SUMO3: variants seen among roughly 807,000 people sequenced by gnomAD.
SUMO3 encodes small ubiquitin-related modifier 3.
SUMO3 carries 2 observed loss-of-function variants against 11.1 expected under a neutral mutation model. That is an observed-to-expected ratio of 0.18 (90% CI 0.07 to 0.57). SUMO3 has a LOEUF of 0.57. Ranked by LOEUF, SUMO3 falls within the 20% of genes least tolerant of loss-of-function variation. The pLI, the probability that SUMO3 is intolerant of heterozygous loss-of-function variation, is 0.92. For missense variants in SUMO3, 70 were observed against 132.8 expected, an observed-to-expected ratio of 0.53 and a Z score of 2.32; for synonymous variants, 56 against 53.5, an observed-to-expected ratio of 1.05 and a Z score of -0.20.
chr21:44,809,338 C>T (rs1398377617), intron 2 of SUMO3, among the ~76,000 whole-genome samples: 1 of 152,218 alleles, frequency 6.6e-6, no homozygotes, highest in Admixed American at 6.5e-5. Flanking sequence ...CACCAGTGGG[C>T]CTACAATCTC....
intron 3 of SUMO3, among the ~76,000 whole-genome samples, chr21:44,808,722 G>T (rs76003441): frequency 1.3e-5 from 2 of 152,176 alleles, no homozygotes; most frequent in East Asian, 1.9e-4. Context: ...TGGCCCCTAA[G>T]CTGCACACGG....
At chr21:44,808,522 A>G (rs1432878805) in intron 3 of SUMO3, 3 of 1,430,086 alleles carry the variant, frequency 2.1e-6, no homozygotes, top group Non-Finnish European at 2.8e-6. Context: ...CTCAAAAAAA[A>G]AAGTCTGTTT....
chr21:44,814,920 C>G (rs2083234871), intron 1 of SUMO3, among the ~76,000 whole-genome samples: 3 of 152,222 alleles, frequency 2.0e-5, no homozygotes, highest in African/African-American at 7.2e-5. Context: ...AGGCAAAAAG[C>G]TGATGTCAAG....
At position 44,811,976 on chromosome 21, in the gene SUMO3, T is replaced by C. The variant is rs1304390669; in HGVS notation, c.150+2000A>G. Reference sequence around the variant, plus strand: ...CATAAGGAAACACTGAATGCCAGAATATGGTCCCAGATACTTCCAGGGAAA... The same window carrying C: ...CATAAGGAAACACTGAATGCCAGAACATGGTCCCAGATACTTCCAGGGAAA... On this transcript the variant is annotated intron_variant, in intron 2 of 3. Transcript: ENST00000332859. The surrounding 1 kb of genome is among the most constrained non-coding windows in gnomAD (Gnocchi z 5.0). Among the ~76,000 whole-genome samples, 3 of 150,250 alleles carry C rather than the reference T, an allele frequency of 2.0e-5. No homozygotes were observed. Among genetic ancestry groups the C allele is most frequent in the Non-Finnish European group, 3.0e-5 (2 of 67,774 alleles).
At chr21:44,815,112 C>T (rs569958983) in intron 1 of SUMO3, among the ~76,000 whole-genome samples, 13 of 152,330 alleles carry the variant, frequency 8.5e-5, no homozygotes, top group African/African-American at 2.9e-4. Context: ...TGAGCTGCTG[C>T]CCTCAGGAAG....
rs1291600135 is a variant in SUMO3, at chr21:44,811,123, TATACACACAGGCACACACCCACAC to T, written c.151-2029_151-2006del. 2.3e-4 allele frequency among the ~76,000 whole-genome samples: 23 copies of T among 102,218 alleles called. No individual in the cohort carries two copies. Among genetic ancestry groups the T allele is most frequent in the Non-Finnish European group, 3.7e-4 (18 of 49,272 alleles). The allele number at this position is 102,218 out of a possible 152,430, so 67.1% of individuals were successfully genotyped here. A position where few individuals can be genotyped will look rare whatever the true frequency, so the allele number is the denominator to read the frequency against. ...ATACACACACATGCACACACCCACA[TATACACACAGGCACACACCCACAC>T]ATACACACACAGGCACACACCCACA... On this transcript the variant is annotated intron_variant, in intron 2 of 3. Coordinates refer to ENST00000332859, the MANE Select transcript of SUMO3 (RefSeq NM_006936.3). This position sits in a 1 kb window ranked among gnomAD's most constrained non-coding sequence, Gnocchi z 5.0.
In SUMO3 at chr21:44,818,017, CG is replaced by C. The variant is rs2083260098; in HGVS notation, c.-50del. ...GCGGCGCGGGGGAAGCAGCGCGGAG[CG>C]GGCGAGTCACGCTCTCGGCCCCGCC... On this transcript the variant is annotated 5_prime_UTR_variant, in exon 1 of 4. Transcript: ENST00000332859. 2.6e-6 allele frequency: 3 copies of C among 1,170,814 alleles called. No homozygotes were observed. In the South Asian group the frequency reaches 1.3e-4, roughly 49 times the overall value. 72.5% of individuals were successfully genotyped at this position (1,170,814 alleles called of 1,614,324 possible).
At chr21:44,812,817 A>G (rs752324891) in intron 2 of SUMO3, among the ~76,000 whole-genome samples, 1 of 152,226 alleles carries the variant, frequency 6.6e-6, no homozygotes. Context: ...AGAGGAGAAC[A>G]TGGGCACCCG....
intron 1 of SUMO3, among the ~76,000 whole-genome samples, chr21:44,814,403 TTA>T (rs770279294): frequency 2.8e-4 from 43 of 152,208 alleles, no homozygotes; most frequent in Non-Finnish European, 5.4e-4. Flanking sequence ...CATCTTTATT[TTA>T]AAGTTATTCT....
chr21:44,807,154 C>G lies in SUMO3; in HGVS notation c.223-114G>C. ...TGTTCCCTGACACTAGCGACATCAC[C>G]TGGTCACACCTTGGCTCTTGTCCGT... is the stretch of plus-strand genomic sequence containing the variant. On this transcript the variant is annotated intron_variant, in intron 3 of 3. Coordinates refer to ENST00000332859, the MANE Select transcript of SUMO3 (RefSeq NM_006936.3). This position sits in a 1 kb window ranked among gnomAD's most constrained non-coding sequence, Gnocchi z 4.3. 1 of 1,302,420 alleles carries G rather than the reference C, an allele frequency of 7.7e-7. No homozygotes were observed. 80.7% of individuals were successfully genotyped at this position (1,302,420 alleles called of 1,614,324 possible). A position where few individuals can be genotyped will look rare whatever the true frequency, so the allele number is the denominator to read the frequency against.
Position 44,811,160 on chromosome 21 carries a change from G to GCACACACCCACACATA in SUMO3, c.151-2058_151-2043dup, listed in dbSNP as rs1437350324. ...CACACACCCACACATACACACACAG[G>GCACACACCCACACATA]CACACACCCACACATACACACACAT... On this transcript the variant is annotated intron_variant, in intron 2 of 3. Transcript: ENST00000332859. This position sits in a 1 kb window ranked among gnomAD's most constrained non-coding sequence, Gnocchi z 5.0. Among the ~76,000 whole-genome samples the GCACACACCCACACATA allele has an allele frequency of 6.8e-6, 1 of 146,254 alleles. No individual in the cohort carries two copies. The highest frequency in any genetic ancestry group is 1.5e-5 in the Non-Finnish European group (1 of 65,306).
rs1267763436 is a variant in SUMO3 at position 44,806,521 on chromosome 21, T to A, written c.*430A>T. On this transcript the variant is annotated 3_prime_UTR_variant, in exon 4 of 4. Coordinates refer to ENST00000332859, the MANE Select transcript of SUMO3 (RefSeq NM_006936.3). ...CCCTACCAACCTTGCCCCCAATACCTGTCCAACAGCTGCATCCCCACTGCG... is the reference window on the plus strand; with the variant it reads ...CCCTACCAACCTTGCCCCCAATACCAGTCCAACAGCTGCATCCCCACTGCG... 1 of 170,254 alleles carries A rather than the reference T, an allele frequency of 5.9e-6. No individual in the cohort carries two copies. The highest frequency in any genetic ancestry group is 1.3e-5 in the Non-Finnish European group (1 of 78,614). The allele number at this position is 170,254 out of a possible 1,614,324, so 10.5% of individuals were successfully genotyped here.
In SUMO3 at chr21:44,812,025, GAGAATC is replaced by G. The variant is rs532257043; in HGVS notation, c.150+1945_150+1950del. ...AAAACCAAGTTACAAACAAAGCACA[GAGAATC>G]AGAATCCACTGAACTTCTCACCTTT... On this transcript the variant is annotated intron_variant, in intron 2 of 3. Coordinates refer to ENST00000332859, the MANE Select transcript of SUMO3 (RefSeq NM_006936.3). Among the ~76,000 whole-genome samples the G allele has an allele frequency of 9.3e-5, 13 of 139,606 alleles. No individual in the cohort carries two copies. The South Asian group carries it at 3.2e-3, about 34-fold the overall frequency. The allele number at this position is 139,606 out of a possible 152,430, so 91.6% of individuals were successfully genotyped here. A position where few individuals can be genotyped will look rare whatever the true frequency, so the allele number is the denominator to read the frequency against.
chr21:44,813,971 C>T lies in SUMO3; in HGVS notation c.150+5G>A, dbSNP rs776311171. On this transcript the variant is annotated splice_donor_5th_base_variant and intron_variant, in intron 2 of 3. Coordinates refer to ENST00000332859, the MANE Select transcript of SUMO3 (RefSeq NM_006936.3). The stretch of plus-strand genomic sequence containing the variant: ...GAGGCTCTGCGGGGGAGCAAGGTGC[C>T]GCACCTGCCTCTCGCAGTAGGCCTT... 9 of 1,610,048 alleles carry T rather than the reference C, an allele frequency of 5.6e-6. No individual in the cohort carries two copies. Among genetic ancestry groups the T allele is most frequent in the Non-Finnish European group, 7.6e-6 (9 of 1,179,932 alleles).
chr21:44,808,351 A>C, intron 3 of SUMO3: 1 of 478,008 alleles, frequency 2.1e-6, no homozygotes, highest in Non-Finnish European at 3.6e-6. Flanking sequence ...TCTCTACTAA[A>C]AATACAAAAA....
intron 3 of SUMO3, chr21:44,808,234 C>T (rs1261362094): frequency 1.6e-5 from 4 of 243,692 alleles, no homozygotes; most frequent in Non-Finnish European, 2.3e-5. Context: ...CTGTTTCGGC[C>T]GGGCGCGTTG....
In SUMO3 at chr21:44,807,159, C is replaced by A; in HGVS notation, c.223-119G>T. 1 of 1,265,192 alleles carries A rather than the reference C, an allele frequency of 7.9e-7. No individual in the cohort carries two copies. The highest frequency in any genetic ancestry group is 1.4e-5 in the South Asian group (1 of 70,468). The allele number at this position is 1,265,192 out of a possible 1,614,324, so 78.4% of individuals were successfully genotyped here. A position where few individuals can be genotyped will look rare whatever the true frequency, so the allele number is the denominator to read the frequency against. On this transcript the variant is annotated intron_variant, in intron 3 of 3. Coordinates refer to ENST00000332859, the MANE Select transcript of SUMO3 (RefSeq NM_006936.3). This position sits in a 1 kb window ranked among gnomAD's most constrained non-coding sequence, Gnocchi z 4.3. Reference sequence around the variant, plus strand: ...CCTGACACTAGCGACATCACCTGGTCACACCTTGGCTCTTGTCCGTCCCCT... The same window carrying A: ...CCTGACACTAGCGACATCACCTGGTAACACCTTGGCTCTTGTCCGTCCCCT...
rs886736310 is a variant in SUMO3 at position 44,811,328 on chromosome 21, C to CTTTG, written c.151-2214_151-2211dup. ...GTGGCTCACACCTGTAATCCCAGCA[C>CTTTG]TTTGGGAGACCGAGGCAGAAGGATC... On this transcript the variant is annotated intron_variant, in intron 2 of 3. Transcript: ENST00000332859. This position sits in a 1 kb window ranked among gnomAD's most constrained non-coding sequence, Gnocchi z 5.0. 1.6e-4 allele frequency among the ~76,000 whole-genome samples: 24 copies of CTTTG among 152,320 alleles called. No individual in the cohort carries two copies. The highest frequency in any genetic ancestry group is 5.5e-4 in the African/African-American group (23 of 41,576).
rs777052109 is a variant in SUMO3, at chr21:44,806,918, G to A, written c.*33C>T. On this transcript the variant is annotated 3_prime_UTR_variant, in exon 4 of 4. Coordinates refer to ENST00000332859, the MANE Select transcript of SUMO3 (RefSeq NM_006936.3). ...CGTGCTCACCATTCAACAGCAATGC[G>A]AGGATGGACGGCCCGGGCTGGGGAC... 13 of 1,613,664 alleles carry A rather than the reference G, an allele frequency of 8.1e-6. No individual in the cohort carries two copies. The highest frequency in any genetic ancestry group is 6.7e-5 in the East Asian group (3 of 44,888).
Sources: gnomAD v4.1 joint callset for allele counts (sites outside exome capture counted in the v4.1 genomes callset) on GRCh38, gnomAD v4.1.1 for gene constraint, Gnocchi (gnomAD v3.1) non-coding constraint, MANE v1.5 for transcripts, NCBI Gene and HGNC (gene_info 2026-07-23, HGNC 2026-07-21) for gene names.